Variants in CFAP61 observed in about 807,000 individuals in gnomAD.
CFAP61 encodes the protein cilia- and flagella-associated protein 61.
In CFAP61, 107 loss-of-function variants were observed where a neutral mutation model predicts 135.6. The ratio of observed to expected loss-of-function variants is 0.79; its 90% confidence interval spans 0.67 to 0.93. The LOEUF is 0.93. Among genes scored for constraint, CFAP61 ranks in the 40% least tolerant of loss-of-function variants. The pLI, the probability that CFAP61 is intolerant of heterozygous loss-of-function variation, is 0.00. For missense variants in CFAP61, 1,507 were observed against 1,556.2 expected (o/e 0.97, Z 0.53); for synonymous variants, 575 against 578.5 (o/e 0.99, Z 0.09).
chr20:20,139,195 G>A (rs1469905137), intron 8 of CFAP61, among the ~76,000 whole-genome samples: 2 of 152,174 alleles, frequency 1.3e-5, no homozygotes, highest in African/African-American at 4.8e-5. Flanking sequence ...ATAAAGAGCG[G>A]GGTAGATCCA....
chr20:20,183,224 G>A (rs751842302), intron 13 of CFAP61, among the ~76,000 whole-genome samples: 13 of 151,108 alleles, frequency 8.6e-5, no homozygotes, highest in Non-Finnish European at 8.8e-5. Flanking sequence ...GCACGACTTC[G>A]ACTCACTGCA....
Position 20,056,623 on chromosome 20 carries a change from T to A in CFAP61, c.-31T>A. 6.2e-7 allele frequency: 1 copy of A among 1,610,086 alleles called. No homozygotes were observed. On this transcript the variant is annotated 5_prime_UTR_variant, in exon 2 of 27. Transcript: ENST00000245957. ...TTATCATATCAGATTAATAGTGGAC[T>A]TTTTTCTCTCTTTTGGGGACAGGAT...
chr20:20,234,837 G>A (rs769175435), intron 18 of CFAP61, among the ~76,000 whole-genome samples: 3 of 152,050 alleles, frequency 2.0e-5, no homozygotes, highest in African/African-American at 4.8e-5. Context: ...ATTCCAAAAC[G>A]CAGAACTTCA....
intron 6 of CFAP61, among the ~76,000 whole-genome samples, chr20:20,079,457 GA>G (rs1441583943): frequency 6.6e-6 from 1 of 151,958 alleles, no homozygotes; most frequent in Non-Finnish European, 1.5e-5. Flanking sequence ...TTTTGCTGGA[GA>G]AAGTCACTGC....
intron 2 of CFAP61, among the ~76,000 whole-genome samples, chr20:20,069,311 C>T (rs1006298086): frequency 3.9e-5 from 6 of 151,946 alleles, no homozygotes; most frequent in East Asian, 1.9e-4. Flanking sequence ...GATGGATTCT[C>T]GCTCTGTTGT....
chr20:20,341,367 C>T (rs750355405), intron 25 of CFAP61, among the ~76,000 whole-genome samples: 3 of 152,164 alleles, frequency 2.0e-5, no homozygotes, highest in Non-Finnish European at 4.4e-5. Flanking sequence ...TCGATGCAAC[C>T]GTGCGAACAG....
At chr20:20,282,049 T>G (rs941113656) in intron 22 of CFAP61, among the ~76,000 whole-genome samples, 1 of 152,238 alleles carries the variant, frequency 6.6e-6, no homozygotes, top group Non-Finnish European at 1.5e-5. Context: ...TGGCATTAAG[T>G]TTTTCACATA....
intron 22 of CFAP61, among the ~76,000 whole-genome samples, chr20:20,282,371 T>C (rs1000271898): frequency 1.6e-4 from 25 of 152,184 alleles, no homozygotes; most frequent in African/African-American, 6.0e-4. Context: ...ACCCTTCTTT[T>C]TTCTAGTTCC....
chr20:20,054,528 G>C (rs1435120146), intron 1 of CFAP61, among the ~76,000 whole-genome samples: 1 of 152,022 alleles, frequency 6.6e-6, no homozygotes, highest in African/African-American at 2.4e-5. Flanking sequence ...TTATACATAA[G>C]TCAACTTTCA....
intron 9 of CFAP61, among the ~76,000 whole-genome samples, chr20:20,144,770 A>G (rs1221465265): frequency 6.6e-6 from 1 of 152,174 alleles, no homozygotes; most frequent in Non-Finnish European, 1.5e-5. Flanking sequence ...AAAAGCAGCC[A>G]GGAGTAGATT....
intron 24 of CFAP61, among the ~76,000 whole-genome samples, chr20:20,293,599 A>C (rs1286545015): frequency 6.6e-6 from 1 of 152,230 alleles, no homozygotes; most frequent in African/African-American, 2.4e-5. Flanking sequence ...TTGAATTACT[A>C]TTCATACACT....
intron 3 of CFAP61, among the ~76,000 whole-genome samples, chr20:20,072,015 C>T (rs886543813): frequency 4.8e-5 from 7 of 145,020 alleles, no homozygotes; most frequent in African/African-American, 1.3e-4. Context: ...GAATTCCTGT[C>T]TGGATAGAGC....
At chr20:20,189,926 C>G (rs2055798910) in intron 14 of CFAP61, among the ~76,000 whole-genome samples, 1 of 152,182 alleles carries the variant, frequency 6.6e-6, no homozygotes, top group African/African-American at 2.4e-5. Context: ...TCCTGAGTAG[C>G]TGGGATTACA....
intron 20 of CFAP61, among the ~76,000 whole-genome samples, chr20:20,254,576 CAGA>C (rs1008434712): frequency 3.2e-4 from 48 of 152,216 alleles, no homozygotes; most frequent in African/African-American, 1.1e-3. Flanking sequence ...TTAATTTTTC[CAGA>C]AGGACATAAA....
At chr20:20,187,889 T>C in intron 13 of CFAP61, 41 bp from the exon 14 acceptor site, 1 of 1,528,098 alleles carries the variant, frequency 6.5e-7, no homozygotes, top group Non-Finnish European at 9.1e-7. Flanking sequence ...GAATACATAT[T>C]TAGTACTTTA....
chr20:20,143,377 A>G (rs575819201), intron 9 of CFAP61, among the ~76,000 whole-genome samples: 2 of 152,238 alleles, frequency 1.3e-5, no homozygotes, highest in South Asian at 4.2e-4. Context: ...TCTCCCAGCA[A>G]AGTCCCCTCC....
chr20:20,141,247 G>T (rs6046650), intron 8 of CFAP61, among the ~76,000 whole-genome samples: 31,046 of 151,962 alleles, frequency 0.2, 3,536 homozygotes, highest in African/African-American at 0.29. Context: ...ATAGGCGTTG[G>T]TTGTTCAGGA....
intron 15 of CFAP61, 101 bp downstream of exon 15, chr20:20,191,520 G>A: frequency 1.4e-6 from 1 of 716,442 alleles, no homozygotes; most frequent in Admixed American, 2.2e-5. Flanking sequence ...CTTATTTAAT[G>A]TGAATGCCTC....
chr20:20,133,294 ATCTTGGCTGAGTCTACTCACATG>A, intron 8 of CFAP61, among the ~76,000 whole-genome samples: 1 of 152,314 alleles, frequency 6.6e-6, no homozygotes, highest in East Asian at 1.9e-4. Context: ...AGCTCTGCTG[ATCTTGGCTGAGTCTACTCACATG>A]TCTTGGAGTG....
Sources: gnomAD v4.1 joint callset for allele counts (sites outside exome capture counted in the v4.1 genomes callset) on GRCh38, gnomAD v4.1.1 for gene constraint, MANE v1.5 for transcripts, NCBI Gene and HGNC (gene_info 2026-07-23, HGNC 2026-07-21) for gene names.